The following SERGEF variants were observed in gnomAD, a reference collection of about 807,000 sequenced individuals.
The protein encoded by SERGEF is secretion regulating guanine nucleotide exchange factor.
Under a neutral mutation model 50.0 loss-of-function variants are expected in SERGEF, and 51 were observed. The ratio of observed to expected loss-of-function variants is 1.02; its 90% confidence interval spans 0.81 to 1.29. The LOEUF (loss-of-function observed/expected upper bound fraction) is 1.29, where lower values mean the gene tolerates loss of function less well. Among genes scored for constraint, SERGEF ranks in the 50% most tolerant of loss-of-function variants. SERGEF has a pLI of 0.00. For missense variants in SERGEF, 521 were observed against 557.0 expected (o/e 0.94, Z 0.65); for synonymous variants, 205 against 212.4 (o/e 0.97, Z 0.30).
At chr11:18,003,148 G>A (rs1193396478) in intron 4 of SERGEF, among the ~76,000 whole-genome samples, 1 of 152,236 alleles carries the variant, frequency 6.6e-6, no homozygotes, top group East Asian at 1.9e-4. Context: ...AGCTGGCAGG[G>A]GCAGACCCAA....
At chr11:17,921,769 G>A (rs887059288) in intron 9 of SERGEF, among the ~76,000 whole-genome samples, 2 of 152,186 alleles carry the variant, frequency 1.3e-5, no homozygotes, top group Non-Finnish European at 2.9e-5. Context: ...AAGAGACAGA[G>A]AGAACAACAC....
At chr11:17,823,120 A>G (rs1263810506) in intron 10 of SERGEF, among the ~76,000 whole-genome samples, 1 of 152,160 alleles carries the variant, frequency 6.6e-6, no homozygotes, top group South Asian at 2.1e-4. Context: ...CGGTTTCTCC[A>G]ACTTTGTTTT....
chr11:17,997,382 A>G (rs1853857611), intron 5 of SERGEF, among the ~76,000 whole-genome samples: 1 of 152,212 alleles, frequency 6.6e-6, no homozygotes, highest in Non-Finnish European at 1.5e-5. Flanking sequence ...GAAAATAACA[A>G]GTGTTGGTGA....
At chr11:17,929,647 TAGGC>T (rs998379182) in intron 9 of SERGEF, among the ~76,000 whole-genome samples, 2 of 152,216 alleles carry the variant, frequency 1.3e-5, no homozygotes, top group Admixed American at 1.3e-4. Context: ...GGCGCTGTGC[TAGGC>T]AGGCAGGCAG....
intron 8 of SERGEF, among the ~76,000 whole-genome samples, chr11:17,965,160 G>T (rs1459561669): frequency 6.6e-6 from 1 of 152,170 alleles, no homozygotes; most frequent in Non-Finnish European, 1.5e-5. Flanking sequence ...GAATCATGGG[G>T]TCAGTTTCCC....
At chr11:17,851,165 C>T (rs1247457895) in intron 10 of SERGEF, among the ~76,000 whole-genome samples, 1 of 152,158 alleles carries the variant, frequency 6.6e-6, no homozygotes, top group Non-Finnish European at 1.5e-5. Flanking sequence ...GAGGGCTTTG[C>T]ATGTATTCTT....
chr11:18,012,411 C>A, intron 1 of SERGEF: 7 of 855,850 alleles, frequency 8.2e-6, no homozygotes, highest in Non-Finnish European at 9.9e-6. Context: ...CAGCCCAACT[C>A]CCCCAACACA....
intron 8 of SERGEF, among the ~76,000 whole-genome samples, chr11:17,976,319 T>G (rs746534714): frequency 6.6e-6 from 1 of 152,112 alleles, no homozygotes; most frequent in Non-Finnish European, 1.5e-5. Flanking sequence ...GGAGACTCAC[T>G]CTGTCGCCCA....
At chr11:17,800,370 G>A (rs1252538641) in intron 10 of SERGEF, among the ~76,000 whole-genome samples, 1 of 152,152 alleles carries the variant, frequency 6.6e-6, no homozygotes, top group African/African-American at 2.4e-5. Context: ...TTTGACAAAT[G>A]TATAATGACA....
chr11:17,964,098 A>C (rs1853069490), intron 8 of SERGEF, among the ~76,000 whole-genome samples: 1 of 152,228 alleles, frequency 6.6e-6, no homozygotes, highest in African/African-American at 2.4e-5. Flanking sequence ...GTGAGTAGGA[A>C]GATGATGAAG....
intron 9 of SERGEF, among the ~76,000 whole-genome samples, chr11:17,946,759 GATGCCTATATTTCT>G (rs1357200147): frequency 2.6e-5 from 4 of 152,280 alleles, no homozygotes; most frequent in South Asian, 4.1e-4. Context: ...GATTGAAAAA[GATGCCTATATTTCT>G]ATGCCCCTCA....
intron 9 of SERGEF, among the ~76,000 whole-genome samples, chr11:17,912,682 G>C (rs534769927): frequency 1.8e-4 from 27 of 152,290 alleles, no homozygotes; most frequent in South Asian, 1.2e-3. Context: ...ACAAAAGTGA[G>C]AGGCATAATA....
At chr11:17,872,400 G>T (rs79824374) in intron 10 of SERGEF, among the ~76,000 whole-genome samples, 4 of 152,032 alleles carry the variant, frequency 2.6e-5, no homozygotes, top group African/African-American at 9.7e-5. Context: ...TATTATATAC[G>T]TTATACTTCA....
chr11:17,961,543 A>G (rs189181740), intron 8 of SERGEF, among the ~76,000 whole-genome samples: 29 of 152,344 alleles, frequency 1.9e-4, no homozygotes, highest in African/African-American at 6.7e-4. Flanking sequence ...GAAGTAAAAC[A>G]TCTTAGAGCT....
At chr11:17,987,597 C>T (rs766755093) in intron 8 of SERGEF, among the ~76,000 whole-genome samples, 11 of 152,162 alleles carry the variant, frequency 7.2e-5, no homozygotes, top group Non-Finnish European at 1.3e-4. Flanking sequence ...TTATACAGGC[C>T]TCTATTGCAA....
intron 10 of SERGEF, among the ~76,000 whole-genome samples, chr11:17,847,064 T>A (rs1458432038): frequency 6.6e-6 from 1 of 152,196 alleles, no homozygotes; most frequent in Non-Finnish European, 1.5e-5. Flanking sequence ...AGCCTCCTGG[T>A]GACAGGGGAG....
chr11:18,002,242 A>C (rs1375165786), intron 4 of SERGEF, among the ~76,000 whole-genome samples: 1 of 152,036 alleles, frequency 6.6e-6, no homozygotes. Context: ...CTCCATCCCA[A>C]CTGTTGCTGC....
Position 18,011,852 on chromosome 11 carries a change from C to T in SERGEF, c.60+1099G>A, listed in dbSNP as rs1316352347. Among the ~76,000 whole-genome samples, 4 of 152,330 alleles carry T rather than the reference C, an allele frequency of 2.6e-5. No individual in the cohort carries two copies. In the East Asian group the frequency reaches 7.7e-4, roughly 29 times the overall value. ...CAAAGACGCCCAGCCAGCCAGACTA[C>T]CGCAGGTCACGCCATGCTCTCCCTC... On this transcript the variant is annotated intron_variant, in intron 1 of 10. Coordinates refer to ENST00000265965, the MANE Select transcript of SERGEF (RefSeq NM_012139.4).
chr11:17,980,896 G>A (rs116562608), intron 8 of SERGEF, among the ~76,000 whole-genome samples: 2,470 of 152,248 alleles, frequency 0.016, 67 homozygotes, highest in African/African-American at 0.056. Flanking sequence ...TTTCAGAGCT[G>A]GAATGACCCT....
Sources: gnomAD v4.1 joint callset for allele counts (sites outside exome capture counted in the v4.1 genomes callset) on GRCh38, gnomAD v4.1.1 for gene constraint, MANE v1.5 for transcripts, NCBI Gene and HGNC (gene_info 2026-07-23, HGNC 2026-07-21) for gene names.